IL1RAPL2: variants seen among roughly 807,000 people sequenced by gnomAD.
IL1RAPL2 encodes interleukin 1 receptor accessory protein like 2, also known as X-linked interleukin-1 receptor accessory protein-like 2.
IL1RAPL2 carries 3 observed loss-of-function variants against 44.1 expected under a neutral mutation model. That is an observed-to-expected ratio of 0.07 (90% CI 0.03 to 0.18). IL1RAPL2 has a LOEUF of 0.18. IL1RAPL2 is among the 10% of genes least tolerant of loss of function. The probability of loss-of-function intolerance (pLI) is 1.00; values close to 1 mark genes in which losing one functional copy is unlikely to be tolerated. For missense variants in IL1RAPL2, 391 were observed against 496.4 expected, an observed-to-expected ratio of 0.79 and a Z score of 2.02; for synonymous variants, 181 against 178.8, an observed-to-expected ratio of 1.01 and a Z score of -0.10.
At chrX:104,934,332 A>G (rs1924978575) in intron 2 of IL1RAPL2, among the ~76,000 whole-genome samples, 1 of 111,241 alleles carries the variant, frequency 9.0e-6, no homozygotes, top group Non-Finnish European at 1.9e-5. Context: ...CAATGAAGAT[A>G]ATCAAGGAAC....
At chrX:105,537,754 T>C (rs1369301840) in intron 6 of IL1RAPL2, among the ~76,000 whole-genome samples, 1 of 111,348 alleles carries the variant, frequency 9.0e-6, no homozygotes, top group Non-Finnish European at 1.9e-5. Context: ...GTATGTGTAA[T>C]GGGTGACAAA....
At chrX:105,567,376 A>G (rs749034957) in intron 6 of IL1RAPL2, among the ~76,000 whole-genome samples, 2 of 111,625 alleles carry the variant, frequency 1.8e-5, no homozygotes, top group Admixed American at 9.6e-5. Context: ...ACTCTGACAT[A>G]CAAGCAGGGA....
At chrX:104,767,152 C>T (rs774348624) in intron 2 of IL1RAPL2, among the ~76,000 whole-genome samples, 2 of 111,886 alleles carry the variant, frequency 1.8e-5, no homozygotes. Flanking sequence ...TTTCTGGGGG[C>T]CATCCATCAG....
At chrX:105,122,775 G>C (rs2032937723) in intron 2 of IL1RAPL2, among the ~76,000 whole-genome samples, 1 of 111,406 alleles carries the variant, frequency 9.0e-6, no homozygotes, top group African/African-American at 3.3e-5. Context: ...ATATGTCCCT[G>C]GCATTATTTT....
At chrX:104,764,106 G>T (rs1373403994) in intron 2 of IL1RAPL2, among the ~76,000 whole-genome samples, 1 of 110,672 alleles carries the variant, frequency 9.0e-6, no homozygotes, top group African/African-American at 3.3e-5. Flanking sequence ...GAATGTCATT[G>T]GTATTTTGAT....
chrX:104,788,119 G>A (rs1285229598), intron 2 of IL1RAPL2, among the ~76,000 whole-genome samples: 1 of 112,212 alleles, frequency 8.9e-6, no homozygotes, highest in East Asian at 2.8e-4. Context: ...ATGGAGAAGT[G>A]ATTAAAGGCT....
intron 5 of IL1RAPL2, among the ~76,000 whole-genome samples, chrX:105,326,274 C>T (rs761835592): frequency 9.0e-6 from 1 of 110,703 alleles, no homozygotes; most frequent in Non-Finnish European, 1.9e-5. Flanking sequence ...CCAGGCTAGT[C>T]TGGAACTTCT....
chrX:105,194,312 C>T (rs1234107324), intron 2 of IL1RAPL2, among the ~76,000 whole-genome samples: 1 of 112,123 alleles, frequency 8.9e-6, no homozygotes, highest in Non-Finnish European at 1.9e-5. Flanking sequence ...TTCACAAAAT[C>T]ATAAGTGAAA....
chrX:104,982,485 A>T (rs1017778986), intron 2 of IL1RAPL2, among the ~76,000 whole-genome samples: 2 of 111,556 alleles, frequency 1.8e-5, no homozygotes, highest in African/African-American at 6.5e-5. Flanking sequence ...ATCATATCTT[A>T]TTCATCTTTG....
intron 10 of IL1RAPL2, 127 bp downstream of exon 10, chrX:105,755,474 T>G (rs2038630619): frequency 2.3e-6 from 1 of 435,105 alleles, no homozygotes; most frequent in Non-Finnish European, 3.8e-6. Flanking sequence ...AAATCCAAAT[T>G]TTTCCCATAT....
chrX:104,730,736 C>G (rs1257639391), intron 2 of IL1RAPL2, among the ~76,000 whole-genome samples: 1 of 108,398 alleles, frequency 9.2e-6, no homozygotes, highest in Non-Finnish European at 1.9e-5. Flanking sequence ...GGGTATATAC[C>G]CAGTAATGGG....
At chrX:105,723,645 C>A (rs1268548023) in intron 7 of IL1RAPL2, among the ~76,000 whole-genome samples, 1 of 111,133 alleles carries the variant, frequency 9.0e-6, no homozygotes, top group Non-Finnish European at 1.9e-5. Context: ...AAATTTATAG[C>A]CCACAGTTCT....
chrX:104,841,214 G>C (rs1921893677), intron 2 of IL1RAPL2, among the ~76,000 whole-genome samples: 1 of 111,534 alleles, frequency 9.0e-6, no homozygotes, highest in African/African-American at 3.3e-5. Flanking sequence ...TGCAACCCCT[G>C]CTTCTTTTTG....
chrX:105,196,656 A>G (rs1352244979), intron 3 of IL1RAPL2, among the ~76,000 whole-genome samples: 1 of 111,419 alleles, frequency 9.0e-6, no homozygotes, highest in African/African-American at 3.3e-5. Flanking sequence ...CTTGCTTGCA[A>G]GAAGTTTACA....
chrX:105,469,186 T>C (rs1283363782), intron 5 of IL1RAPL2, among the ~76,000 whole-genome samples: 1 of 111,197 alleles, frequency 9.0e-6, no homozygotes, highest in Non-Finnish European at 1.9e-5. Flanking sequence ...AAGAAACCCA[T>C]TGATAGATTA....
chrX:105,038,223 A>G (rs377292241), intron 2 of IL1RAPL2, among the ~76,000 whole-genome samples: 1 of 110,133 alleles, frequency 9.1e-6, no homozygotes, highest in Non-Finnish European at 1.9e-5. Context: ...ATTAGAGTTC[A>G]CCAATGACCA....
rs555858580 is a variant in IL1RAPL2, at chrX:105,442,359, C to T, written c.698-41954C>T. Among the ~76,000 whole-genome samples, 19 of 111,192 alleles carry T rather than the reference C, an allele frequency of 1.7e-4. No homozygotes were observed. In the South Asian group the frequency reaches 5.0e-3, roughly 29 times the overall value. ...GATTACAGGTGTGAGCCACCGTGCC[C>T]GGCCATGAATTGGGTTCTTATTACC... On this transcript the variant is annotated intron_variant, in intron 5 of 10. Coordinates refer to ENST00000372582, the MANE Select transcript of IL1RAPL2 (RefSeq NM_017416.2).
intron 2 of IL1RAPL2, among the ~76,000 whole-genome samples, chrX:104,824,533 G>C (rs1274793157): frequency 2.7e-5 from 3 of 111,767 alleles, no homozygotes; most frequent in African/African-American, 6.5e-5. Flanking sequence ...TTTTTGGTTG[G>C]TAGGCTATTA....
At chrX:105,662,276 A>T (rs957335060) in intron 6 of IL1RAPL2, among the ~76,000 whole-genome samples, 1 of 112,282 alleles carries the variant, frequency 8.9e-6, no homozygotes, top group African/African-American at 3.2e-5. Context: ...ATAGCATCTG[A>T]AAAGCTTTGT....
Sources: gnomAD v4.1 joint callset for allele counts (sites outside exome capture counted in the v4.1 genomes callset) on GRCh38, gnomAD v4.1.1 for gene constraint, MANE v1.5 for transcripts, NCBI Gene and HGNC (gene_info 2026-07-23, HGNC 2026-07-21) for gene names.